NFIA: variants seen among roughly 807,000 people sequenced by gnomAD.
NFIA encodes the protein nuclear factor I A.
NFIA carries 8 observed loss-of-function variants against 62.8 expected under a neutral mutation model. The observed-to-expected ratio is 0.13, with a 90% CI of 0.07 to 0.23. NFIA has a LOEUF of 0.23. NFIA is among the 10% of genes least tolerant of loss of function. The pLI is 1.00. For synonymous variants in NFIA, 235 were observed against 238.1 expected (o/e 0.99, Z 0.12); for missense variants, 410 against 642.1 (o/e 0.64, Z 3.91).
chr1:61,124,776 A>G (rs1187645065), intron 2 of NFIA: 1 of 152,200 alleles, frequency 6.6e-6, no homozygotes, highest in Non-Finnish European at 1.5e-5. Flanking sequence ...ATCAACTTGT[A>G]TATGAGGCAG....
chr1:61,118,057 C>T (rs749714031), intron 2 of NFIA, among the ~76,000 whole-genome samples: 1 of 151,864 alleles, frequency 6.6e-6, no homozygotes, highest in African/African-American at 2.4e-5. Context: ...TGGTGGCAGG[C>T]GCCTGTGATC....
intron 9 of NFIA, among the ~76,000 whole-genome samples, chr1:61,425,966 A>G (rs1369527389): frequency 2.0e-5 from 3 of 152,336 alleles, no homozygotes; most frequent in East Asian, 1.9e-4. Context: ...TGGAGAACCC[A>G]TTAGTTCCTT....
chr1:61,165,053 A>C (rs1649480794), intron 2 of NFIA, among the ~76,000 whole-genome samples: 1 of 152,206 alleles, frequency 6.6e-6, no homozygotes, highest in Non-Finnish European at 1.5e-5. Flanking sequence ...CATTGCTAAC[A>C]ATGTGCAAAC....
At chr1:61,326,589 A>C (rs1660948925) in intron 3 of NFIA, among the ~76,000 whole-genome samples, 1 of 152,166 alleles carries the variant, frequency 6.6e-6, no homozygotes. Flanking sequence ...CACAGAAGAT[A>C]CTTCCCCTCC....
intron 2 of NFIA, among the ~76,000 whole-genome samples, chr1:61,105,264 C>G (rs1056108234): frequency 6.6e-6 from 1 of 151,862 alleles, no homozygotes; most frequent in African/African-American, 2.4e-5. Flanking sequence ...TACGATAACT[C>G]AAATTATGTT....
In NFIA at chr1:61,352,544, T is replaced by A. The variant is rs1225169654; in HGVS notation, c.795T>A (p.Ser265=). The A allele has an allele frequency of 2.5e-6, 4 of 1,613,380 alleles. No homozygotes were observed. Among genetic ancestry groups the A allele is most frequent in the Non-Finnish European group, 3.4e-6 (4 of 1,179,376 alleles). ...TGAGTCCAGGAGCAATGAGGAGGTC[T>A]TTACCCAGCACATCCTCTACGAGGT... ...YSMSPGAMRR[S]LPSTSSTSST... The change falls in exon 5 of 11, where the codon TCT becomes TCA. Residue 265 remains serine, a synonymous_variant. Transcript: ENST00000403491.
chr1:61,176,419 C>G (rs543974614), intron 2 of NFIA, among the ~76,000 whole-genome samples: 4 of 152,252 alleles, frequency 2.6e-5, no homozygotes, highest in African/African-American at 7.2e-5. Flanking sequence ...CTACCAGGTT[C>G]CCCTTTCATC....
At chr1:61,131,475 A>G (rs1246376393) in intron 2 of NFIA, among the ~76,000 whole-genome samples, 1 of 152,188 alleles carries the variant, frequency 6.6e-6, no homozygotes, top group East Asian at 1.9e-4. Context: ...GAACAAGGCA[A>G]GCATATTAGG....
At chr1:61,096,335 T>G (rs780013736) in intron 2 of NFIA, among the ~76,000 whole-genome samples, 15 of 151,734 alleles carry the variant, frequency 9.9e-5, no homozygotes, top group Non-Finnish European at 1.3e-4. Flanking sequence ...TGTCTCAGCC[T>G]CCCGAATAGC....
At chr1:61,212,897 G>A (rs993301171) in intron 2 of NFIA, among the ~76,000 whole-genome samples, 5 of 152,208 alleles carry the variant, frequency 3.3e-5, no homozygotes, top group Admixed American at 3.3e-4. Flanking sequence ...TTTTACTAAA[G>A]TGTGCAGCTT....
At chr1:61,344,789 T>C (rs1254190376) in intron 4 of NFIA, among the ~76,000 whole-genome samples, 2 of 152,210 alleles carry the variant, frequency 1.3e-5, no homozygotes, top group Non-Finnish European at 2.9e-5. Flanking sequence ...GTTGAACAAG[T>C]TGGAAACTTA....
intron 3 of NFIA, among the ~76,000 whole-genome samples, chr1:61,318,879 C>G (rs954594578): frequency 6.6e-6 from 1 of 152,130 alleles, no homozygotes; most frequent in African/African-American, 2.4e-5. Flanking sequence ...GATATAGAAA[C>G]TAGAGTAGTT....
chr1:61,250,387 CCT>C (rs2100209532), intron 2 of NFIA, among the ~76,000 whole-genome samples: 1 of 152,294 alleles, frequency 6.6e-6, no homozygotes, highest in East Asian at 1.9e-4. Context: ...AACTTTTTGG[CCT>C]CTCTTTTTGT....
intron 2 of NFIA, among the ~76,000 whole-genome samples, chr1:61,113,203 C>G (rs1215375722): frequency 6.6e-6 from 1 of 151,720 alleles, no homozygotes; most frequent in Non-Finnish European, 1.5e-5. Flanking sequence ...ATCAGTTGTA[C>G]TAGGTTTGGT....
rs575731523 is a variant in NFIA, at chr1:61,313,839, A to G, written c.626-18673A>G. On this transcript the variant is annotated intron_variant, in intron 3 of 10. Coordinates refer to ENST00000403491, the MANE Select transcript of NFIA (RefSeq NM_001134673.4). Reference sequence around the variant, plus strand: ...TGGAGTAGGTGTTCTTACTCGTGCAATTAGGGAACAGTGCCTTAGTTAATT... The same window carrying G: ...TGGAGTAGGTGTTCTTACTCGTGCAGTTAGGGAACAGTGCCTTAGTTAATT... Among the ~76,000 whole-genome samples, 11 of 152,282 alleles carry G rather than the reference A, an allele frequency of 7.2e-5. No homozygotes were observed. The South Asian group carries it at 1.5e-3, about 20-fold the overall frequency.
chr1:61,082,680 C>G lies in NFIA; in HGVS notation c.-112C>G. 1 of 1,523,766 alleles carries G rather than the reference C, an allele frequency of 6.6e-7. No homozygotes were observed. Among genetic ancestry groups the G allele is most frequent in the Non-Finnish European group, 8.8e-7 (1 of 1,130,216 alleles). The allele number at this position is 1,523,766 out of a possible 1,614,324, so 94.4% of individuals were successfully genotyped here. A position where few individuals can be genotyped will look rare whatever the true frequency, so the allele number is the denominator to read the frequency against. On this transcript the variant is annotated 5_prime_UTR_variant, in exon 1 of 11. Coordinates refer to ENST00000403491, the MANE Select transcript of NFIA (RefSeq NM_001134673.4). ...TTTTTTTTTCTCCCCCCTTCTCTCT[C>G]TCTCTCTCTCTCTCTCTTCCTCTCT...
At chr1:61,239,029 A>G (rs1430681408) in intron 2 of NFIA, among the ~76,000 whole-genome samples, 1 of 152,222 alleles carries the variant, frequency 6.6e-6, no homozygotes, top group Non-Finnish European at 1.5e-5. Context: ...AGCAAATAAA[A>G]TGAAATATTT....
At chr1:61,145,711 C>G (rs897413525) in intron 2 of NFIA, among the ~76,000 whole-genome samples, 1 of 152,160 alleles carries the variant, frequency 6.6e-6, no homozygotes, top group African/African-American at 2.4e-5. Context: ...ATTTCCTGCA[C>G]TGTAGATGAT....
chr1:61,352,369 T>TA, intron 4 of NFIA, 81 bp from the exon 5 acceptor site: 2 of 944,454 alleles, frequency 2.1e-6, no homozygotes, highest in Non-Finnish European at 3.4e-6. Flanking sequence ...GAAAATGTGC[T>TA]AAATGCAACA....
Sources: gnomAD v4.1 joint callset for allele counts (sites outside exome capture counted in the v4.1 genomes callset) on GRCh38, gnomAD v4.1.1 for gene constraint, MANE v1.5 for transcripts, NCBI Gene and HGNC (gene_info 2026-07-23, HGNC 2026-07-21) for gene names.